The following SEL1L variants were observed in gnomAD, a reference collection of about 807,000 sequenced individuals.
SEL1L encodes SEL1L adaptor subunit of SYVN1 ubiquitin ligase.
A neutral mutation model predicts 109.8 loss-of-function variants in SEL1L; 52 were observed. The ratio of observed to expected loss-of-function variants is 0.47; its 90% confidence interval spans 0.38 to 0.60. The LOEUF is 0.60. Among genes scored for constraint, SEL1L ranks in the 20% least tolerant of loss-of-function variants. SEL1L has a pLI of 0.00. For missense variants in SEL1L, 749 were observed against 962.2 expected, an observed-to-expected ratio of 0.78 and a Z score of 2.93; for synonymous variants, 373 against 339.6, an observed-to-expected ratio of 1.10 and a Z score of -1.08.
intron 6 of SEL1L, among the ~76,000 whole-genome samples, chr14:81,501,546 A>C (rs1015658402): frequency 6.6e-6 from 1 of 152,230 alleles, no homozygotes; most frequent in Non-Finnish European, 1.5e-5. Flanking sequence ...AAAGAGCTGC[A>C]GAATTGTTAG....
At chr14:81,524,968 A>C (rs1444824172) in intron 3 of SEL1L, among the ~76,000 whole-genome samples, 1 of 152,234 alleles carries the variant, frequency 6.6e-6, no homozygotes. Context: ...AATAAATTGT[A>C]AACAGACACT....
At position 81,474,221 on chromosome 14, in the gene SEL1L, CTG is replaced by C; in HGVS notation, c.*2749_*2750del. The stretch of plus-strand genomic sequence containing the variant: ...ATAAGCCTTACCTAGAAAACAGAAA[CTG>C]AAACTTCAAACACAGAGACAGAAAA... On this transcript the variant is annotated 3_prime_UTR_variant, in exon 21 of 21. Transcript: ENST00000336735. 6.7e-6 allele frequency: 1 copy of C among 148,560 alleles called. No homozygotes were observed. 9.2% of individuals were successfully genotyped at this position (148,560 alleles called of 1,614,324 possible).
chr14:81,513,958 T>C (rs1452994933), intron 3 of SEL1L, among the ~76,000 whole-genome samples: 1 of 152,188 alleles, frequency 6.6e-6, no homozygotes, highest in Admixed American at 6.5e-5. Flanking sequence ...ATCCTATCTA[T>C]CCTGACCCTT....
At chr14:81,477,368 C>T (rs1022159256) in intron 20 of SEL1L, among the ~76,000 whole-genome samples, 187 bp from the exon 21 acceptor site, 3 of 150,584 alleles carry the variant, frequency 2.0e-5, no homozygotes, top group African/African-American at 7.3e-5. Flanking sequence ...TCAACTGAAG[C>T]TCAAAATAAT....
rs2140060955 is a variant in SEL1L, at chr14:81,526,681, T to C, written c.340+52A>G. 9 of 1,402,674 alleles carry C rather than the reference T, an allele frequency of 6.4e-6. No homozygotes were observed. In the South Asian group the frequency reaches 1.1e-4, roughly 16 times the overall value. The allele number at this position is 1,402,674 out of a possible 1,614,324, so 86.9% of individuals were successfully genotyped here. On this transcript the variant is annotated intron_variant, in intron 3 of 20. Transcript: ENST00000336735. The stretch of plus-strand genomic sequence containing the variant: ...AGCCTCTTTATTCATTAGCTTAAAA[T>C]TTTCAGTTGTCCCCTAAATAAATCA...
intron 3 of SEL1L, among the ~76,000 whole-genome samples, chr14:81,513,792 C>T (rs994337910): frequency 1.3e-5 from 2 of 152,062 alleles, no homozygotes; most frequent in Non-Finnish European, 2.9e-5. Flanking sequence ...GTTGGTTTGC[C>T]TGGAACCAGC....
chr14:81,495,240 A>C (rs967842468), intron 10 of SEL1L, 103 bp from the exon 11 acceptor site: 7 of 1,000,960 alleles, frequency 7.0e-6, no homozygotes, highest in African/African-American at 1.6e-5. Flanking sequence ...GCTTCTGTTC[A>C]TGACTCAAAA....
chr14:81,492,468 G>C lies in SEL1L; in HGVS notation c.1254+12C>G. 2 of 1,596,334 alleles carry C rather than the reference G, an allele frequency of 1.3e-6. No homozygotes were observed. Among genetic ancestry groups the C allele is most frequent in the South Asian group, 2.2e-5 (2 of 89,704 alleles). On this transcript the variant is annotated intron_variant, in intron 12 of 20. Coordinates refer to ENST00000336735, the MANE Select transcript of SEL1L (RefSeq NM_005065.6). ...TTGCTATTACATAAAACATTCACAG[G>C]ATGTACAGTACCTTTCCCAAAAAGG...
At chr14:81,490,605 G>C in intron 12 of SEL1L, 140 bp from the exon 13 acceptor site, 1 of 686,168 alleles carries the variant, frequency 1.5e-6, no homozygotes. Context: ...GGATATTTTA[G>C]AATTAAAAGC....
At chr14:81,495,362 G>A (rs1420633255) in intron 10 of SEL1L, among the ~76,000 whole-genome samples, 1 of 152,198 alleles carries the variant, frequency 6.6e-6, no homozygotes, top group African/African-American at 2.4e-5. Context: ...TTTGCGGCCA[G>A]GTGCGGTGGC....
intron 19 of SEL1L, among the ~76,000 whole-genome samples, chr14:81,480,709 C>A (rs2090496458): frequency 6.6e-6 from 1 of 152,108 alleles, no homozygotes; most frequent in Admixed American, 6.6e-5. Context: ...CAGAGTGAGA[C>A]CCTGTTTCCA....
intron 3 of SEL1L, among the ~76,000 whole-genome samples, chr14:81,522,217 T>G (rs1016111197): frequency 6.6e-6 from 1 of 152,158 alleles, no homozygotes; most frequent in Admixed American, 6.5e-5. Context: ...AAAAAAATTT[T>G]GAAAATAAAT....
At chr14:81,505,193 T>C (rs1477204683) in intron 4 of SEL1L, among the ~76,000 whole-genome samples, 1 of 152,220 alleles carries the variant, frequency 6.6e-6, no homozygotes, top group Non-Finnish European at 1.5e-5. Context: ...ATTAACTATA[T>C]AATACAAGTT....
chr14:81,508,501 C>T (rs1410603854), intron 3 of SEL1L, among the ~76,000 whole-genome samples: 1 of 152,028 alleles, frequency 6.6e-6, no homozygotes, highest in South Asian at 2.1e-4. Context: ...ATTCCCAGCA[C>T]TTTGGGAGGC....
At chr14:81,477,538 G>A (rs963018875) in intron 20 of SEL1L, among the ~76,000 whole-genome samples, 5 of 152,104 alleles carry the variant, frequency 3.3e-5, no homozygotes, top group Non-Finnish European at 5.9e-5. Flanking sequence ...GGGGCCAGGC[G>A]CGGGGGCTCA....
In SEL1L at chr14:81,510,514, C is replaced by CTCTATATATATATA. The variant is rs35474067; in HGVS notation, c.341-4274_341-4273insTATATATATATAGA. On this transcript the variant is annotated intron_variant, in intron 3 of 20. Coordinates refer to ENST00000336735, the MANE Select transcript of SEL1L (RefSeq NM_005065.6). ...TCTCTCTCTCTCTCTCTCTCTCTCT[C>CTCTATATATATATA]TATATATATATATATAGACAATTAA... is the stretch of plus-strand genomic sequence containing the variant. Among the ~76,000 whole-genome samples, 388 of 104,020 alleles carry CTCTATATATATATA rather than the reference C, an allele frequency of 3.7e-3. 2 individuals carry two copies. The highest frequency in any genetic ancestry group is 0.022 in the Middle Eastern group (3 of 134). The allele number at this position is 104,020 out of a possible 152,430, so 68.2% of individuals were successfully genotyped here.
At chr14:81,502,035 A>G (rs1884033620) in intron 6 of SEL1L, among the ~76,000 whole-genome samples, 2 of 151,694 alleles carry the variant, frequency 1.3e-5, no homozygotes, top group South Asian at 2.1e-4. Flanking sequence ...AGAGTCCTGG[A>G]TTGAATACTG....
At chr14:81,489,383 T>C (rs1023554204) in intron 13 of SEL1L, 69 bp from the exon 14 acceptor site, 3 of 1,241,200 alleles carry the variant, frequency 2.4e-6, no homozygotes, top group Admixed American at 1.9e-5. Context: ...AATAAATAAC[T>C]GCAAAATAAA....
intron 10 of SEL1L, among the ~76,000 whole-genome samples, chr14:81,497,657 G>A (rs762026212): frequency 1.3e-5 from 2 of 151,982 alleles, no homozygotes; most frequent in Non-Finnish European, 2.9e-5. Context: ...CACCTGGACA[G>A]TTTTAGGAAC....
Sources: gnomAD v4.1 joint callset for allele counts (sites outside exome capture counted in the v4.1 genomes callset) on GRCh38, gnomAD v4.1.1 for gene constraint, MANE v1.5 for transcripts, NCBI Gene and HGNC (gene_info 2026-07-23, HGNC 2026-07-21) for gene names.